LDB2: variants seen among roughly 807,000 people sequenced by gnomAD.
LDB2 encodes LIM domain-binding protein 2.
A neutral mutation model predicts 44.3 loss-of-function variants in LDB2; 12 were observed. The observed-to-expected ratio is 0.27, with a 90% CI of 0.17 to 0.44. LDB2 has a LOEUF of 0.44. Among genes scored for constraint, LDB2 ranks in the 20% least tolerant of loss-of-function variants. The probability of loss-of-function intolerance (pLI) is 1.00; values close to 1 mark genes in which losing one functional copy is unlikely to be tolerated. For synonymous variants in LDB2, 164 were observed against 174.8 expected (o/e 0.94, Z 0.49); for missense variants, 344 against 473.5 (o/e 0.73, Z 2.54).
intron 2 of LDB2, among the ~76,000 whole-genome samples, chr4:16,738,014 T>C (rs902339687): frequency 6.6e-6 from 1 of 152,154 alleles, no homozygotes; most frequent in Non-Finnish European, 1.5e-5. Context: ...TGTCTATAGG[T>C]GTTATTGAAT....
chr4:16,536,310 G>A (rs892015448), intron 5 of LDB2, among the ~76,000 whole-genome samples: 4 of 152,242 alleles, frequency 2.6e-5, no homozygotes, highest in South Asian at 2.1e-4. Context: ...TAGGAAAGAG[G>A]TTCTCAAATC....
chr4:16,523,950 T>G (rs1357799260), intron 5 of LDB2, among the ~76,000 whole-genome samples: 1 of 152,218 alleles, frequency 6.6e-6, no homozygotes, highest in African/African-American at 2.4e-5. Flanking sequence ...TAAAATTAAC[T>G]ATTAGTGTGC....
At chr4:16,783,335 G>C (rs1340002752) in intron 1 of LDB2, among the ~76,000 whole-genome samples, 3 of 152,348 alleles carry the variant, frequency 2.0e-5, no homozygotes, top group East Asian at 3.9e-4. Context: ...GTCAGGAAGG[G>C]GGAGCCCCAT....
intron 2 of LDB2, among the ~76,000 whole-genome samples, chr4:16,681,774 T>C (rs914617121): frequency 8.6e-5 from 13 of 151,926 alleles, no homozygotes; most frequent in Non-Finnish European, 1.6e-4. Context: ...GGTTTCACCG[T>C]GTTAGCCAGG....
intron 2 of LDB2, among the ~76,000 whole-genome samples, chr4:16,690,876 A>T (rs1194127357): frequency 1.3e-5 from 2 of 152,200 alleles, no homozygotes; most frequent in African/African-American, 4.8e-5. Flanking sequence ...TACAGTTAAA[A>T]TGACTCTGCA....
intron 2 of LDB2, among the ~76,000 whole-genome samples, chr4:16,707,451 T>A (rs1333048712): frequency 1.3e-5 from 2 of 152,188 alleles, no homozygotes; most frequent in East Asian, 1.9e-4. Context: ...TTTAATCAGC[T>A]TTTTAATCAT....
At chr4:16,663,752 A>T (rs1351277966) in intron 2 of LDB2, among the ~76,000 whole-genome samples, 1 of 152,202 alleles carries the variant, frequency 6.6e-6, no homozygotes, top group Non-Finnish European at 1.5e-5. Context: ...TCTCATTATC[A>T]TAACTACATA....
chr4:16,845,880 G>A (rs1174576110), intron 1 of LDB2, among the ~76,000 whole-genome samples: 1 of 152,094 alleles, frequency 6.6e-6, no homozygotes, highest in East Asian at 1.9e-4. Context: ...GGCCGAGGTG[G>A]GTGGATCACC....
At chr4:16,590,866 G>A (rs898632597) in intron 3 of LDB2, among the ~76,000 whole-genome samples, 11 of 152,146 alleles carry the variant, frequency 7.2e-5, no homozygotes, top group Admixed American at 6.5e-5. Flanking sequence ...GAAGACTTCA[G>A]TTCCCCCAAA....
chr4:16,795,222 G>C (rs983492739), intron 1 of LDB2, among the ~76,000 whole-genome samples: 66 of 152,228 alleles, frequency 4.3e-4, no homozygotes, highest in African/African-American at 1.5e-3. Context: ...TGTGAAGAGA[G>C]AGCCTGGGGA....
chr4:16,506,859 C>CT (rs1719678164), intron 7 of LDB2: 1 of 152,180 alleles, frequency 6.6e-6, no homozygotes, highest in Non-Finnish European at 1.5e-5. Flanking sequence ...GCTACAGTGC[C>CT]TTTAAGTAGC....
At chr4:16,702,060 G>T (rs1182502946) in intron 2 of LDB2, among the ~76,000 whole-genome samples, 3 of 152,032 alleles carry the variant, frequency 2.0e-5, no homozygotes, top group East Asian at 1.9e-4. Flanking sequence ...AAAAAAGAAA[G>T]AATTTATAGC....
chr4:16,570,433 A>C (rs1216119600), intron 5 of LDB2, among the ~76,000 whole-genome samples: 1 of 124,516 alleles, frequency 8.0e-6, no homozygotes, highest in African/African-American at 3.0e-5. Flanking sequence ...ACCACACTCC[A>C]GCCTGGGAGA....
intron 2 of LDB2, among the ~76,000 whole-genome samples, chr4:16,729,609 C>G (rs1394936740): frequency 1.3e-5 from 2 of 152,184 alleles, no homozygotes; most frequent in African/African-American, 2.4e-5. Context: ...CAAACAGACT[C>G]TATAAAAATC....
chr4:16,830,040 G>T (rs2110039433), intron 1 of LDB2, among the ~76,000 whole-genome samples: 1 of 152,164 alleles, frequency 6.6e-6, no homozygotes, highest in Non-Finnish European at 1.5e-5. Context: ...GGGAGGTGGA[G>T]GTTGCAATGG....
intron 1 of LDB2, among the ~76,000 whole-genome samples, chr4:16,842,368 C>T (rs1786052107): frequency 6.6e-6 from 1 of 151,980 alleles, no homozygotes; most frequent in South Asian, 2.1e-4. Flanking sequence ...AAAAGGAAGT[C>T]AACCTAGCAG....
chr4:16,847,685 C>G (rs1398980998), intron 1 of LDB2, among the ~76,000 whole-genome samples: 1 of 152,184 alleles, frequency 6.6e-6, no homozygotes, highest in Non-Finnish European at 1.5e-5. Flanking sequence ...TGGCGGATCT[C>G]GGCTCATTGC....
chr4:16,783,921 T>C (rs1773851518), intron 1 of LDB2, among the ~76,000 whole-genome samples: 1 of 152,218 alleles, frequency 6.6e-6, no homozygotes, highest in Non-Finnish European at 1.5e-5. Context: ...TCTCCAAGCT[T>C]CTACAATCAT....
In LDB2 at chr4:16,797,217, C is replaced by T. The variant is rs571296748; in HGVS notation, c.133-37957G>A. Among the ~76,000 whole-genome samples the T allele has an allele frequency of 8.3e-4, 126 of 152,210 alleles. 1 individual carries two copies. In the Middle Eastern group the frequency reaches 0.01, roughly 12 times the overall value. ...ATGAGGGCTTTTCATCTCACACATG[C>T]GTATTTTTGATCCGCCTTTGGCTGA... On this transcript the variant is annotated intron_variant, in intron 1 of 7. Coordinates refer to ENST00000304523, the MANE Select transcript of LDB2 (RefSeq NM_001290.5).
Sources: gnomAD v4.1 joint callset for allele counts (sites outside exome capture counted in the v4.1 genomes callset) on GRCh38, gnomAD v4.1.1 for gene constraint, MANE v1.5 for transcripts, NCBI Gene and HGNC (gene_info 2026-07-23, HGNC 2026-07-21) for gene names.